The following ADGRL3 variants were observed in gnomAD, a reference collection of about 807,000 sequenced individuals.
ADGRL3 encodes calcium-independent alpha-latrotoxin receptor 3.
In ADGRL3, 62 loss-of-function variants were observed where a neutral mutation model predicts 153.5. The observed-to-expected ratio is 0.40, with a 90% CI of 0.33 to 0.50. The LOEUF (loss-of-function observed/expected upper bound fraction) is 0.50. Among genes scored for constraint, ADGRL3 ranks in the 20% least tolerant of loss-of-function variants. ADGRL3 has a pLI of 0.47. For missense variants in ADGRL3, 1,641 were observed against 1,859.4 expected (o/e 0.88, Z 2.16); for synonymous variants, 710 against 672.5 (o/e 1.06, Z -0.86).
chr4:61,847,931 TAAA>T (rs2098148569), intron 9 of ADGRL3, among the ~76,000 whole-genome samples: 1 of 19,292 alleles, frequency 5.2e-5, no homozygotes, highest in Non-Finnish European at 1.2e-4. Context: ...ATATATAATA[TAAA>T]ATATATTATA....
chr4:61,298,630 A>G (rs2094487056), intron 1 of ADGRL3, among the ~76,000 whole-genome samples: 1 of 152,194 alleles, frequency 6.6e-6, no homozygotes. Context: ...CATTCAGCCA[A>G]ATAATGACGA....
intron 6 of ADGRL3, among the ~76,000 whole-genome samples, chr4:61,724,999 C>A (rs1425692818): frequency 1.3e-5 from 2 of 152,164 alleles, no homozygotes; most frequent in South Asian, 2.1e-4. Flanking sequence ...AACACTAGTA[C>A]ACTAGTCTCA....
At chr4:61,510,917 T>C (rs2098460095) in intron 3 of ADGRL3, among the ~76,000 whole-genome samples, 1 of 152,182 alleles carries the variant, frequency 6.6e-6, no homozygotes, top group African/African-American at 2.4e-5. Context: ...TTTCCATTTG[T>C]TTGTGTCATC....
At chr4:61,573,640 A>G (rs1464254183) in intron 4 of ADGRL3, among the ~76,000 whole-genome samples, 1 of 151,970 alleles carries the variant, frequency 6.6e-6, no homozygotes, top group African/African-American at 2.4e-5. Flanking sequence ...TTTGCCATCA[A>G]TTTGTCAACT....
chr4:61,352,985 A>T (rs113868417), intron 1 of ADGRL3, among the ~76,000 whole-genome samples: 16 of 152,134 alleles, frequency 1.1e-4, no homozygotes, highest in African/African-American at 3.9e-4. Flanking sequence ...AATAGAAAGG[A>T]ACTTAGTCTT....
At chr4:61,624,470 C>A (rs1306257108) in intron 5 of ADGRL3, among the ~76,000 whole-genome samples, 1 of 152,066 alleles carries the variant, frequency 6.6e-6, no homozygotes, top group Non-Finnish European at 1.5e-5. Flanking sequence ...CAGTTTTGGG[C>A]AGAATATTCA....
chr4:61,389,863 A>T (rs1422816299), intron 2 of ADGRL3, among the ~76,000 whole-genome samples: 2 of 152,198 alleles, frequency 1.3e-5, no homozygotes, highest in Non-Finnish European at 2.9e-5. Context: ...TAAGTCTGGC[A>T]TTCGAATGAT....
chr4:61,512,828 A>G (rs1326166656), intron 3 of ADGRL3, among the ~76,000 whole-genome samples: 1 of 152,084 alleles, frequency 6.6e-6, no homozygotes, highest in Non-Finnish European at 1.5e-5. Context: ...TTAGGCGGGT[A>G]TGTTCAGGAG....
At chr4:61,638,517 C>T (rs1040204447) in intron 5 of ADGRL3, among the ~76,000 whole-genome samples, 2 of 152,020 alleles carry the variant, frequency 1.3e-5, no homozygotes, top group Non-Finnish European at 2.9e-5. Flanking sequence ...AAAAAAGAAA[C>T]ATTTAGTTAT....
chr4:61,951,243 T>A (rs1226308880), intron 17 of ADGRL3, among the ~76,000 whole-genome samples: 1 of 152,062 alleles, frequency 6.6e-6, no homozygotes, highest in Non-Finnish European at 1.5e-5. Context: ...AAAATATAGC[T>A]TTATAATCAC....
At chr4:61,855,832 C>G (rs1364041600) in intron 9 of ADGRL3, among the ~76,000 whole-genome samples, 1 of 151,774 alleles carries the variant, frequency 6.6e-6, no homozygotes, top group African/African-American at 2.4e-5. Context: ...GGATATAAAC[C>G]TAGTCCCGAA....
intron 9 of ADGRL3, among the ~76,000 whole-genome samples, chr4:61,816,782 G>A (rs867914957): frequency 2.0e-5 from 3 of 152,078 alleles, no homozygotes; most frequent in Non-Finnish European, 4.4e-5. Flanking sequence ...CTGCTGAGCC[G>A]GCAGGGGCCA....
chr4:61,444,163 G>C (rs545261236), intron 2 of ADGRL3, among the ~76,000 whole-genome samples: 12 of 152,228 alleles, frequency 7.9e-5, no homozygotes, highest in African/African-American at 2.4e-4. Context: ...ATTTATGAAG[G>C]CATGTTTGTG....
rs11432355 is a variant in ADGRL3, at chr4:61,874,789, C to CTTTTTTT, written c.1481-17843_1481-17837dup. On this transcript the variant is annotated intron_variant, in intron 9 of 26. Coordinates refer to ENST00000683033, the MANE Select transcript of ADGRL3 (RefSeq NM_001387552.1). The stretch of plus-strand genomic sequence containing the variant: ...ATATTTTCAACGACATCAAAATGCT[C>CTTTTTTT]TTTTTTTTTTTTTTTTTTTTTTTTT... 1.5e-3 allele frequency among the ~76,000 whole-genome samples: 91 copies of CTTTTTTT among 61,548 alleles called. 13 individuals carry two copies. Among genetic ancestry groups the CTTTTTTT allele is most frequent in the Non-Finnish European group, 1.5e-3 (53 of 34,784 alleles). The allele number at this position is 61,548 out of a possible 152,430, so 40.4% of individuals were successfully genotyped here. A position where few individuals can be genotyped will look rare whatever the true frequency, so the allele number is the denominator to read the frequency against.
intron 8 of ADGRL3, among the ~76,000 whole-genome samples, chr4:61,793,798 A>G (rs1204132244): frequency 1.3e-5 from 2 of 152,172 alleles, no homozygotes; most frequent in African/African-American, 4.8e-5. Context: ...TATAAACTTG[A>G]TGAAACTTAC....
intron 5 of ADGRL3, among the ~76,000 whole-genome samples, chr4:61,588,701 C>T (rs1246314507): frequency 1.3e-5 from 2 of 151,914 alleles, no homozygotes; most frequent in East Asian, 1.9e-4. Flanking sequence ...TCTCTATTAT[C>T]GTTACGTATT....
intron 4 of ADGRL3, among the ~76,000 whole-genome samples, chr4:61,526,830 TATGAG>T (rs3075122): frequency 0.03 from 4,519 of 152,180 alleles, 96 homozygotes; most frequent in Non-Finnish European, 0.046. Context: ...TGTAATACCT[TATGAG>T]ATAAGTAGAG....
At chr4:61,849,834 A>T (rs2098180325) in intron 9 of ADGRL3, among the ~76,000 whole-genome samples, 1 of 152,140 alleles carries the variant, frequency 6.6e-6, no homozygotes, top group African/African-American at 2.4e-5. Context: ...TAATTTGAGG[A>T]GACCTTAAAA....
intron 11 of ADGRL3, among the ~76,000 whole-genome samples, chr4:61,905,641 T>C (rs1364408413): frequency 1.3e-5 from 2 of 152,178 alleles, no homozygotes; most frequent in African/African-American, 4.8e-5. Flanking sequence ...ACGCCTATGA[T>C]CTCAGCACTT....
Sources: allele counts gnomAD v4.1 joint callset (sites outside exome capture counted in the v4.1 genomes callset), GRCh38; gene constraint gnomAD v4.1.1; transcripts MANE v1.5; gene names NCBI Gene and HGNC (gene_info 2026-07-23, HGNC 2026-07-21).